The following CHRM3 variants were observed in gnomAD, a reference collection of about 807,000 sequenced individuals.
The protein encoded by CHRM3 is cholinergic receptor muscarinic 3.
In CHRM3, 11 loss-of-function variants were observed where a neutral mutation model predicts 41.8. The observed-to-expected ratio is 0.26, with a 90% CI of 0.17 to 0.44. CHRM3 has a LOEUF of 0.44. Ranked by LOEUF, CHRM3 falls within the 20% of genes least tolerant of loss-of-function variation. The probability of loss-of-function intolerance (pLI) is 1.00; values close to 1 mark genes in which losing one functional copy is unlikely to be tolerated. For synonymous variants in CHRM3, 297 were observed against 301.4 expected (o/e 0.99, Z 0.15); for missense variants, 571 against 745.4 (o/e 0.77, Z 2.72).
At chr1:239,739,898 G>A (rs1241970239) in intron 5 of CHRM3, among the ~76,000 whole-genome samples, 1 of 152,144 alleles carries the variant, frequency 6.6e-6, no homozygotes, top group East Asian at 1.9e-4. Flanking sequence ...TTGTCCTAGT[G>A]CTTAAGACAC....
At chr1:239,519,938 G>A (rs1036208655) in intron 2 of CHRM3, among the ~76,000 whole-genome samples, 1 of 151,686 alleles carries the variant, frequency 6.6e-6, no homozygotes, top group African/African-American at 2.4e-5. Flanking sequence ...TAGTAGAGAC[G>A]GGGTTTCCCC....
At chr1:239,619,868 G>A (rs1160420620) in intron 3 of CHRM3, among the ~76,000 whole-genome samples, 1 of 151,970 alleles carries the variant, frequency 6.6e-6, no homozygotes, top group Non-Finnish European at 1.5e-5. Context: ...TGAGATTCAT[G>A]GACTATAATT....
In CHRM3 at chr1:239,439,981, C is replaced by T. The variant is rs191156929; in HGVS notation, c.-520-52728C>T. 6.2e-3 allele frequency among the ~76,000 whole-genome samples: 942 copies of T among 151,876 alleles called. 5 individuals are homozygous for T. Among genetic ancestry groups the T allele is most frequent in the African/African-American group, 0.022 (899 of 41,394 alleles). On this transcript the variant is annotated intron_variant, in intron 1 of 6. Transcript: ENST00000676153. ...TTGGGAGGCTGAGGCAGGCGGATCA[C>T]GAGGTTAGGAGTTCGAGACTAGCCT...
chr1:239,389,495 A>G (rs1241552560), intron 1 of CHRM3, among the ~76,000 whole-genome samples: 1 of 152,250 alleles, frequency 6.6e-6, no homozygotes, highest in Non-Finnish European at 1.5e-5. Flanking sequence ...TTCTTAACAA[A>G]GAAAATTTGT....
In CHRM3 at chr1:239,889,539, C is replaced by G. The variant is rs530701945; in HGVS notation, c.-19-17894C>G. On this transcript the variant is annotated intron_variant, in intron 6 of 6. Transcript: ENST00000676153. ...TATGTTTGCAGCTCGATTTTTCAGG[C>G]TGCTTTTTATTAGAAAAAAAATGAT... Among the ~76,000 whole-genome samples the G allele has an allele frequency of 3.9e-5, 6 of 152,240 alleles. No homozygotes were observed. The South Asian group carries it at 1.2e-3, about 32-fold the overall frequency.
intron 6 of CHRM3, among the ~76,000 whole-genome samples, chr1:239,842,599 A>G (rs1034530775): frequency 7.9e-5 from 12 of 152,174 alleles, no homozygotes; most frequent in Admixed American, 4.6e-4. Context: ...AAGGACTGAT[A>G]AACACATTAG....
intron 5 of CHRM3, among the ~76,000 whole-genome samples, chr1:239,798,649 G>A (rs1366612166): frequency 1.3e-5 from 2 of 152,110 alleles, no homozygotes; most frequent in African/African-American, 4.8e-5. Context: ...ACTGTCTTGG[G>A]GAGAAAAATG....
chr1:239,423,668 C>T (rs913339673), intron 1 of CHRM3, among the ~76,000 whole-genome samples: 3 of 151,980 alleles, frequency 2.0e-5, no homozygotes, highest in African/African-American at 7.3e-5. Flanking sequence ...TTATAAAAAG[C>T]CTCAATCAGA....
At chr1:239,894,653 G>A (rs919773107) in intron 6 of CHRM3, among the ~76,000 whole-genome samples, 5 of 151,356 alleles carry the variant, frequency 3.3e-5, no homozygotes, top group African/African-American at 1.2e-4. Flanking sequence ...GGCTGGTCTC[G>A]AACTCATGCG....
chr1:239,874,311 A>ATACACAG (rs1553292020), intron 6 of CHRM3, among the ~76,000 whole-genome samples: 1 of 124,898 alleles, frequency 8.0e-6, no homozygotes, highest in Non-Finnish European at 1.6e-5. Context: ...ATATATATAT[A>ATACACAG]TATATATATA....
At chr1:239,573,623 C>T (rs1000466642) in intron 3 of CHRM3, among the ~76,000 whole-genome samples, 4 of 151,956 alleles carry the variant, frequency 2.6e-5, no homozygotes, top group African/African-American at 9.7e-5. Context: ...GTGTAGATTT[C>T]CATAGACCAT....
chr1:239,635,611 T>C (rs1443935969), intron 4 of CHRM3, among the ~76,000 whole-genome samples: 1 of 152,206 alleles, frequency 6.6e-6, no homozygotes, highest in Non-Finnish European at 1.5e-5. Flanking sequence ...GTTTTATTTC[T>C]TAAGGCATAC....
At chr1:239,481,484 T>C (rs1666849946) in intron 1 of CHRM3, among the ~76,000 whole-genome samples, 1 of 152,180 alleles carries the variant, frequency 6.6e-6, no homozygotes. Context: ...TTGCACAAAA[T>C]TTGAGGATTT....
intron 1 of CHRM3, among the ~76,000 whole-genome samples, chr1:239,403,105 C>T (rs1377591641): frequency 5.9e-5 from 9 of 152,242 alleles, no homozygotes; most frequent in Non-Finnish European, 1.3e-4. Flanking sequence ...TACTTATCTG[C>T]CTTTAAATAA....
intron 3 of CHRM3, among the ~76,000 whole-genome samples, chr1:239,623,328 G>A (rs1668614255): frequency 7.1e-6 from 1 of 141,110 alleles, no homozygotes; most frequent in Non-Finnish European, 1.5e-5. Flanking sequence ...TGTTCTCATT[G>A]TTCAGTTCCC....
At position 239,441,452 on chromosome 1, in the gene CHRM3, A is replaced by G. The variant is rs542104404; in HGVS notation, c.-520-51257A>G. 7.2e-5 allele frequency among the ~76,000 whole-genome samples: 11 copies of G among 152,336 alleles called. No individual in the cohort carries two copies. The South Asian group carries it at 1.4e-3, about 20-fold the overall frequency. On this transcript the variant is annotated intron_variant, in intron 1 of 6. Coordinates refer to ENST00000676153, the MANE Select transcript of CHRM3 (RefSeq NM_001375978.1). The stretch of plus-strand genomic sequence containing the variant: ...TGACATTTCCATTGCTTCATTTCTC[A>G]TACAGAAATTCCAATATTTGTCTAC...
intron 3 of CHRM3, among the ~76,000 whole-genome samples, chr1:239,586,232 G>GT (rs1268423916): frequency 3.0e-5 from 1 of 33,710 alleles, no homozygotes; most frequent in East Asian, 2.6e-3. Context: ...TTATATAGGT[G>GT]TTTTTTGTTT....
chr1:239,556,818 GCTTTATTATTAA>G (rs1305847495), intron 3 of CHRM3, among the ~76,000 whole-genome samples: 1 of 152,062 alleles, frequency 6.6e-6, no homozygotes, highest in Admixed American at 6.6e-5. Context: ...GTTCATTTCA[GCTTTATTATTAA>G]CTCTCCCTAG....
At chr1:239,854,519 A>AAGG (rs1227179810) in intron 6 of CHRM3, among the ~76,000 whole-genome samples, 1 of 152,108 alleles carries the variant, frequency 6.6e-6, no homozygotes, top group Admixed American at 6.6e-5. Flanking sequence ...GAGTATATAA[A>AAGG]AGGAAGAAGA....
Sources: gnomAD v4.1 joint callset for allele counts (sites outside exome capture counted in the v4.1 genomes callset) on GRCh38, gnomAD v4.1.1 for gene constraint, MANE v1.5 for transcripts, NCBI Gene and HGNC (gene_info 2026-07-23, HGNC 2026-07-21) for gene names.